The following ARL15 variants were observed in gnomAD, a reference collection of about 807,000 sequenced individuals.
ARL15 encodes ARF like GTPase 15.
Under a neutral mutation model 25.2 loss-of-function variants are expected in ARL15, and 19 were observed. That is an observed-to-expected ratio of 0.75 (90% CI 0.53 to 1.10). The LOEUF (loss-of-function observed/expected upper bound fraction) is 1.10. Ranked by LOEUF, ARL15 falls within the 50% of genes least tolerant of loss-of-function variation. ARL15 has a pLI of 0.00. For missense variants in ARL15, 220 were observed against 246.0 expected (o/e 0.89, Z 0.71); for synonymous variants, 94 against 86.8 (o/e 1.08, Z -0.46).
intron 4 of ARL15, among the ~76,000 whole-genome samples, chr5:53,892,029 A>G (rs1013133059): frequency 2.6e-5 from 4 of 152,212 alleles, no homozygotes; most frequent in African/African-American, 9.6e-5. Context: ...TTTAGTGACC[A>G]TAAAAGACCG....
At chr5:54,207,032 T>A (rs986732959) in intron 1 of ARL15, among the ~76,000 whole-genome samples, 1 of 152,254 alleles carries the variant, frequency 6.6e-6, no homozygotes, top group African/African-American at 2.4e-5. Flanking sequence ...ATGCGTGAGA[T>A]GCTGTCATCC....
chr5:54,142,231 T>C (rs1488561194), intron 3 of ARL15, among the ~76,000 whole-genome samples: 1 of 152,204 alleles, frequency 6.6e-6, no homozygotes, highest in Non-Finnish European at 1.5e-5. Flanking sequence ...CTATCTTCTG[T>C]AGGCTCCATT....
At chr5:53,964,130 A>G (rs1483895879) in intron 4 of ARL15, among the ~76,000 whole-genome samples, 2 of 152,134 alleles carry the variant, frequency 1.3e-5, no homozygotes, top group Non-Finnish European at 1.5e-5. Flanking sequence ...AGTGCTTCTC[A>G]GCAAGTGCTA....
At chr5:53,887,514 T>C in intron 4 of ARL15, 1 of 600,090 alleles carries the variant, frequency 1.7e-6, no homozygotes. Context: ...TACCAATTCC[T>C]GGCTGTGAAT....
At chr5:54,088,164 C>T (rs539519870) in intron 4 of ARL15, among the ~76,000 whole-genome samples, 1 of 152,008 alleles carries the variant, frequency 6.6e-6, no homozygotes, top group East Asian at 1.9e-4. Context: ...AAAGAAGGGG[C>T]AAATAATAGA....
rs758037549 is a variant in ARL15 at position 54,092,047 on chromosome 5, A to AACACACACACACACAC, written c.462+21139_462+21154dup. Among the ~76,000 whole-genome samples, 1,217 of 146,292 alleles carry AACACACACACACACAC rather than the reference A, an allele frequency of 8.3e-3. 10 individuals carry two copies. The highest frequency in any genetic ancestry group is 0.035 in the Middle Eastern group (10 of 284). The stretch of plus-strand genomic sequence containing the variant: ...TGGTTAATAGACTGCTCAAATTGAA[A>AACACACACACACACAC]ACACACACACACACACACACACACA... On this transcript the variant is annotated intron_variant, in intron 4 of 4. Coordinates refer to ENST00000504924, the MANE Select transcript of ARL15 (RefSeq NM_019087.3).
rs1461403881 is a variant in ARL15, at chr5:54,033,806, T to C, written c.462+79396A>G. Among the ~76,000 whole-genome samples the C allele has an allele frequency of 3.3e-5, 5 of 152,036 alleles. No homozygotes were observed. In the South Asian group the frequency reaches 8.3e-4, roughly 25 times the overall value. ...ACATCATTAAAATTTTACTGACAAA[T>C]ATTTACAAGGACTGTCTTTTTTATT... On this transcript the variant is annotated intron_variant, in intron 4 of 4. Transcript: ENST00000504924.
At chr5:54,211,487 T>TTTTTTA (rs1756040916) in intron 1 of ARL15, among the ~76,000 whole-genome samples, 1 of 150,192 alleles carries the variant, frequency 6.7e-6, no homozygotes, top group Non-Finnish European at 1.5e-5. Context: ...TTTTTTTTTT[T>TTTTTTA]GAGACAGAGT....
At chr5:53,955,599 T>C (rs1241156248) in intron 4 of ARL15, among the ~76,000 whole-genome samples, 1 of 152,210 alleles carries the variant, frequency 6.6e-6, no homozygotes, top group African/African-American at 2.4e-5. Context: ...GAATTGACAT[T>C]GTTAGAACTC....
At chr5:54,118,748 G>A (rs945067738) in intron 3 of ARL15, among the ~76,000 whole-genome samples, 6 of 152,052 alleles carry the variant, frequency 3.9e-5, no homozygotes, top group African/African-American at 7.2e-5. Flanking sequence ...CCATTATATC[G>A]GAATTCTAAC....
intron 4 of ARL15, among the ~76,000 whole-genome samples, chr5:53,935,287 C>T (rs773371882): frequency 2.0e-5 from 3 of 152,234 alleles, no homozygotes; most frequent in Non-Finnish European, 4.4e-5. Context: ...CACCCACCCT[C>T]ATCCAGGAGC....
At chr5:54,095,771 C>A (rs1752266811) in intron 4 of ARL15, among the ~76,000 whole-genome samples, 1 of 151,148 alleles carries the variant, frequency 6.6e-6, no homozygotes, top group African/African-American at 2.4e-5. Flanking sequence ...TAAAAAGGGC[C>A]CATCTGCAAA....
In ARL15 at chr5:53,887,323, T is replaced by A. The variant is rs1260544561; in HGVS notation, c.463-610A>T. The stretch of plus-strand genomic sequence containing the variant: ...GTTTGTATGCATATACACACTTACA[T>A]AAATTTACATATATGCGTAAAATCT... On this transcript the variant is annotated intron_variant, in intron 4 of 4. Coordinates refer to ENST00000504924, the MANE Select transcript of ARL15 (RefSeq NM_019087.3). The A allele has an allele frequency of 5.7e-6, 4 of 698,382 alleles. No homozygotes were observed. The South Asian group carries it at 6.0e-5, about 10-fold the overall frequency. The allele number at this position is 698,382 out of a possible 1,614,324, so 43.3% of individuals were successfully genotyped here.
At chr5:54,149,863 T>C (rs985658495) in intron 3 of ARL15, among the ~76,000 whole-genome samples, 6 of 152,114 alleles carry the variant, frequency 3.9e-5, no homozygotes, top group Admixed American at 3.9e-4. Context: ...GAATTGAGAT[T>C]AGCTTCACCA....
chr5:54,209,333 A>AAGAGAGAGAG (rs71600812), intron 1 of ARL15, among the ~76,000 whole-genome samples: 1 of 148,552 alleles, frequency 6.7e-6, no homozygotes, highest in Non-Finnish European at 1.5e-5. Flanking sequence ...TAAAAAGAGA[A>AAGAGAGAGAG]AGAGAGAGAG....
intron 4 of ARL15, among the ~76,000 whole-genome samples, chr5:53,900,188 C>T (rs1361719414): frequency 6.6e-6 from 1 of 152,146 alleles, no homozygotes; most frequent in African/African-American, 2.4e-5. Flanking sequence ...GTAATCAAAG[C>T]TGAGGTTTGG....
chr5:54,180,524 G>A (rs1190392793), intron 1 of ARL15, among the ~76,000 whole-genome samples: 2 of 152,160 alleles, frequency 1.3e-5, no homozygotes, highest in African/African-American at 4.8e-5. Flanking sequence ...TATGTTTTGA[G>A]GTGGAAATCC....
rs1292538407 is a variant in ARL15 at position 54,054,434 on chromosome 5, A to G, written c.462+58768T>C. Among the ~76,000 whole-genome samples the G allele has an allele frequency of 3.9e-5, 6 of 152,238 alleles. No homozygotes were observed. In the South Asian group the frequency reaches 6.2e-4, roughly 16 times the overall value. On this transcript the variant is annotated intron_variant, in intron 4 of 4. Transcript: ENST00000504924. ...AATAAACAGTGGTATAGCTTGCACA[A>G]TGAAATATTACACAAAAGTGAAAAA... is the stretch of plus-strand genomic sequence containing the variant.
chr5:54,296,265 A>G (rs192596632), intron 1 of ARL15, among the ~76,000 whole-genome samples: 4 of 152,366 alleles, frequency 2.6e-5, no homozygotes, highest in East Asian at 1.9e-4. Context: ...CAACAGTACC[A>G]TAAGTCCTTG....
Sources: gnomAD v4.1 joint callset for allele counts (sites outside exome capture counted in the v4.1 genomes callset) on GRCh38, gnomAD v4.1.1 for gene constraint, MANE v1.5 for transcripts, NCBI Gene and HGNC (gene_info 2026-07-23, HGNC 2026-07-21) for gene names.